The following NALF1 variants were observed in gnomAD, a reference collection of about 807,000 sequenced individuals.
NALF1 encodes NALCN channel auxiliary factor 1.
NALF1 carries 3 observed loss-of-function variants against 48.4 expected under a neutral mutation model. The observed-to-expected ratio is 0.06, with a 90% CI of 0.03 to 0.16. The LOEUF (loss-of-function observed/expected upper bound fraction) is 0.16, where lower values mean the gene tolerates loss of function less well. Among genes scored for constraint, NALF1 ranks in the 10% least tolerant of loss-of-function variants. The probability of loss-of-function intolerance (pLI) is 1.00; values close to 1 mark genes in which losing one functional copy is unlikely to be tolerated. For missense variants in NALF1, 526 were observed against 571.5 expected, an observed-to-expected ratio of 0.92 and a Z score of 0.81; for synonymous variants, 262 against 245.7, an observed-to-expected ratio of 1.07 and a Z score of -0.62.
chr13:107,191,329 T>G (rs1411062876), intron 2 of NALF1, among the ~76,000 whole-genome samples: 1 of 151,906 alleles, frequency 6.6e-6, no homozygotes, highest in Non-Finnish European at 1.5e-5. Context: ...TTTTGAAAAA[T>G]AACAGAATTT....
At chr13:107,475,394 TA>T (rs1771256210) in intron 1 of NALF1, among the ~76,000 whole-genome samples, 1 of 152,216 alleles carries the variant, frequency 6.6e-6, no homozygotes, top group Non-Finnish European at 1.5e-5. Flanking sequence ...TCTGCTCTAC[TA>T]CTCTTGAAAT....
intron 1 of NALF1, among the ~76,000 whole-genome samples, chr13:107,300,384 A>C (rs1881814793): frequency 6.6e-6 from 1 of 152,170 alleles, no homozygotes; most frequent in Non-Finnish European, 1.5e-5. Flanking sequence ...CAGGCCCAAG[A>C]TTTAATCAGA....
chr13:107,394,373 G>A (rs191303273), intron 1 of NALF1, among the ~76,000 whole-genome samples: 12 of 152,264 alleles, frequency 7.9e-5, no homozygotes, highest in Admixed American at 3.3e-4. Context: ...GTTATTTTTG[G>A]TGTTTAAACT....
At chr13:107,745,038 T>C (rs941268227) in intron 1 of NALF1, among the ~76,000 whole-genome samples, 3 of 152,232 alleles carry the variant, frequency 2.0e-5, no homozygotes, top group Non-Finnish European at 4.4e-5. Flanking sequence ...AGAACTATTG[T>C]CAATTTGAAT....
At chr13:107,445,074 T>C (rs1271758716) in intron 1 of NALF1, among the ~76,000 whole-genome samples, 2 of 152,196 alleles carry the variant, frequency 1.3e-5, no homozygotes, top group African/African-American at 4.8e-5. Flanking sequence ...TTGACTTTGG[T>C]GCAATCCACA....
intron 1 of NALF1, among the ~76,000 whole-genome samples, chr13:107,840,793 C>T (rs1398563478): frequency 6.6e-6 from 1 of 152,142 alleles, no homozygotes; most frequent in Non-Finnish European, 1.5e-5. Context: ...GCTCCTTCCA[C>T]AACACACCCT....
At chr13:107,624,628 T>C (rs16970836) in intron 1 of NALF1, among the ~76,000 whole-genome samples, 4,800 of 152,272 alleles carry the variant, frequency 0.032, 88 homozygotes, top group South Asian at 0.067. Flanking sequence ...GAAGGATGCT[T>C]GGGTTCTTTC....
intron 1 of NALF1, among the ~76,000 whole-genome samples, chr13:107,597,785 C>T (rs1878798187): frequency 6.6e-6 from 1 of 151,964 alleles, no homozygotes; most frequent in African/African-American, 2.4e-5. Flanking sequence ...TTTTAAAAAT[C>T]AATCAAAAAG....
intron 1 of NALF1, among the ~76,000 whole-genome samples, chr13:107,432,042 T>A (rs1384999475): frequency 2.6e-5 from 4 of 151,996 alleles, no homozygotes; most frequent in Non-Finnish European, 5.9e-5. Context: ...AGAAAAGAGG[T>A]TTATTTGGCT....
At chr13:107,491,299 C>T (rs1390641784) in intron 1 of NALF1, among the ~76,000 whole-genome samples, 2 of 152,190 alleles carry the variant, frequency 1.3e-5, no homozygotes, top group Non-Finnish European at 2.9e-5. Context: ...CAAGATGTGA[C>T]AGACATTGCA....
chr13:107,850,671 G>A (rs1254908939), intron 1 of NALF1, among the ~76,000 whole-genome samples: 2 of 152,202 alleles, frequency 1.3e-5, no homozygotes, highest in Non-Finnish European at 2.9e-5. Context: ...GGGAGGCCAA[G>A]GTGGGTGGAT....
intron 1 of NALF1, among the ~76,000 whole-genome samples, chr13:107,416,187 T>G (rs1884085538): frequency 6.6e-6 from 1 of 151,138 alleles, no homozygotes; most frequent in Non-Finnish European, 1.5e-5. Flanking sequence ...TTTTTTTTTT[T>G]TGTATTTTTA....
intron 1 of NALF1, among the ~76,000 whole-genome samples, chr13:107,645,428 T>C (rs1231688989): frequency 1.3e-5 from 2 of 152,176 alleles, no homozygotes; most frequent in African/African-American, 4.8e-5. Flanking sequence ...TTGGTACTAA[T>C]TGCCAAATGG....
intron 1 of NALF1, among the ~76,000 whole-genome samples, chr13:107,782,283 T>A (rs1265643624): frequency 4.6e-5 from 7 of 152,332 alleles, no homozygotes; most frequent in South Asian, 4.1e-4. Flanking sequence ...TCCAGCTCCT[T>A]ACCGCGAGTG....
chr13:107,182,607 T>G (rs1032204902), intron 2 of NALF1, among the ~76,000 whole-genome samples: 1 of 152,134 alleles, frequency 6.6e-6, no homozygotes, highest in Non-Finnish European at 1.5e-5. Context: ...TTTTCATAAT[T>G]TGTGAAATTC....
At chr13:107,463,341 C>G (rs957933353) in intron 1 of NALF1, among the ~76,000 whole-genome samples, 1 of 152,110 alleles carries the variant, frequency 6.6e-6, no homozygotes, top group Non-Finnish European at 1.5e-5. Flanking sequence ...GTTTGTGTTT[C>G]TACACAATTC....
intron 1 of NALF1, among the ~76,000 whole-genome samples, chr13:107,563,391 G>C (rs1291776587): frequency 2.0e-5 from 3 of 152,290 alleles, no homozygotes; most frequent in East Asian, 3.9e-4. Flanking sequence ...AACATCATTA[G>C]AGAGCTCCTC....
At chr13:107,485,699 C>G (rs1421380623) in intron 1 of NALF1, among the ~76,000 whole-genome samples, 1 of 152,150 alleles carries the variant, frequency 6.6e-6, no homozygotes, top group African/African-American at 2.4e-5. Flanking sequence ...TGAACATTTG[C>G]TCTACAAGAA....
chr13:107,806,087 A>G (rs1878778347), intron 1 of NALF1, among the ~76,000 whole-genome samples: 1 of 152,198 alleles, frequency 6.6e-6, no homozygotes, highest in Non-Finnish European at 1.5e-5. Context: ...AAGCATTTGA[A>G]GGAAGCATAT....
Sources: allele counts gnomAD v4.1 joint callset (sites outside exome capture counted in the v4.1 genomes callset), GRCh38; gene constraint gnomAD v4.1.1; transcripts MANE v1.5; gene names NCBI Gene and HGNC (gene_info 2026-07-23, HGNC 2026-07-21).